The following SLC2A13 variants were observed in gnomAD, a reference collection of about 807,000 sequenced individuals.
SLC2A13 encodes the protein proton myo-inositol cotransporter.
Under a neutral mutation model 64.4 loss-of-function variants are expected in SLC2A13, and 32 were observed. That is an observed-to-expected ratio of 0.50 (90% CI 0.37 to 0.67). The LOEUF (loss-of-function observed/expected upper bound fraction) is 0.67. Among genes scored for constraint, SLC2A13 ranks in the 30% least tolerant of loss-of-function variants. SLC2A13 has a pLI of 0.00. For missense variants in SLC2A13, 743 were observed against 829.2 expected, an observed-to-expected ratio of 0.90 and a Z score of 1.28; for synonymous variants, 338 against 327.1, an observed-to-expected ratio of 1.03 and a Z score of -0.36.
intron 4 of SLC2A13, among the ~76,000 whole-genome samples, chr12:39,918,482 A>G (rs1158056578): frequency 6.6e-6 from 1 of 152,008 alleles, no homozygotes; most frequent in African/African-American, 2.4e-5. Context: ...AAAAGCATGA[A>G]AAGATCTGCT....
chr12:39,809,727 G>A (rs899881463), intron 7 of SLC2A13, among the ~76,000 whole-genome samples: 1 of 151,954 alleles, frequency 6.6e-6, no homozygotes, highest in East Asian at 1.9e-4. Context: ...TCATTGTTCA[G>A]TTCCCACCTA....
chr12:39,783,208 T>C (rs1215568552), intron 7 of SLC2A13, among the ~76,000 whole-genome samples: 1 of 152,230 alleles, frequency 6.6e-6, no homozygotes, highest in Non-Finnish European at 1.5e-5. Flanking sequence ...ACTCATCCTT[T>C]TTTATAGCTG....
intron 6 of SLC2A13, among the ~76,000 whole-genome samples, chr12:39,836,109 G>A (rs977070588): frequency 5.3e-5 from 8 of 152,102 alleles, no homozygotes; most frequent in African/African-American, 1.9e-4. Flanking sequence ...ATCACAGCCT[G>A]CAAAATTTCA....
At chr12:40,101,609 AT>A (rs1460445355) in intron 1 of SLC2A13, among the ~76,000 whole-genome samples, 2 of 152,200 alleles carry the variant, frequency 1.3e-5, no homozygotes, top group Non-Finnish European at 2.9e-5. Context: ...GTTAAATCTG[AT>A]TACATTATTT....
chr12:39,855,289 C>T (rs1038811022), intron 6 of SLC2A13, among the ~76,000 whole-genome samples: 8 of 152,088 alleles, frequency 5.3e-5, no homozygotes, highest in Admixed American at 3.9e-4. Flanking sequence ...TTTTATATAA[C>T]AAGTTTATTT....
intron 3 of SLC2A13, among the ~76,000 whole-genome samples, chr12:39,971,983 G>GAAAAAAAAAAA (rs1174701447): frequency 2.1e-5 from 2 of 95,804 alleles, no homozygotes; most frequent in African/African-American, 8.2e-5. Context: ...AGTGTCTCCA[G>GAAAAAAAAAAA]AAAAAAAAAA....
At chr12:39,891,206 C>G (rs1462909909) in intron 4 of SLC2A13, among the ~76,000 whole-genome samples, 1 of 150,274 alleles carries the variant, frequency 6.7e-6, no homozygotes, top group Non-Finnish European at 1.5e-5. Context: ...CCAGTCTCTC[C>G]ATCATTATTT....
At chr12:39,847,921 ACCTAAGATATTT>A (rs751601197) in intron 6 of SLC2A13, among the ~76,000 whole-genome samples, 7 of 152,146 alleles carry the variant, frequency 4.6e-5, no homozygotes, top group South Asian at 2.1e-4. Flanking sequence ...GTAAATAAAA[ACCTAAGATATTT>A]CCTACTTCTG....
rs569714361 is a variant in SLC2A13 at position 39,946,995 on chromosome 12, T to C, written c.1034+4262A>G. Among the ~76,000 whole-genome samples, 5 of 152,288 alleles carry C rather than the reference T, an allele frequency of 3.3e-5. No individual in the cohort carries two copies. The South Asian group carries it at 1.0e-3, about 32-fold the overall frequency. ...GGATCACTGTGGTGCCAGGCAGGAA[T>C]GGGCTGCTTGGGATCCAGCAAGCTC... On this transcript the variant is annotated intron_variant, in intron 4 of 9. Transcript: ENST00000280871.
intron 7 of SLC2A13, among the ~76,000 whole-genome samples, chr12:39,769,547 G>A (rs1940485084): frequency 6.8e-6 from 1 of 146,256 alleles, no homozygotes; most frequent in Admixed American, 6.8e-5. Context: ...ACATTGTAGG[G>A]TGTAGGCTTC....
At position 39,966,306 on chromosome 12, in the gene SLC2A13, G is replaced by A. The variant is rs73280621; in HGVS notation, c.926-14941C>T. On this transcript the variant is annotated intron_variant, in intron 3 of 9. Coordinates refer to ENST00000280871, the MANE Select transcript of SLC2A13 (RefSeq NM_052885.4). ...TTTACTTCCTGAATCCCCTTTTCTG[G>A]CCCTTCTCCACCCCGATTTTGATAA... 5.4e-3 allele frequency among the ~76,000 whole-genome samples: 827 copies of A among 151,856 alleles called. 9 individuals carry two copies. The highest frequency in any genetic ancestry group is 0.018 in the African/African-American group (759 of 41,412).
At chr12:39,831,024 A>G (rs1592181260) in intron 6 of SLC2A13, among the ~76,000 whole-genome samples, 1 of 152,302 alleles carries the variant, frequency 6.6e-6, no homozygotes, top group East Asian at 1.9e-4. Flanking sequence ...AGCCTACATC[A>G]TGCTTATAGA....
intron 1 of SLC2A13, among the ~76,000 whole-genome samples, chr12:40,103,098 T>C (rs1047367331): frequency 4.6e-5 from 7 of 152,192 alleles, no homozygotes; most frequent in African/African-American, 1.7e-4. Context: ...GGCTTCTCTA[T>C]TGAACCAACC....
At chr12:39,937,789 A>C (rs2136081173) in intron 4 of SLC2A13, among the ~76,000 whole-genome samples, 1 of 152,294 alleles carries the variant, frequency 6.6e-6, no homozygotes, top group Non-Finnish European at 1.5e-5. Flanking sequence ...CATTGGGCAT[A>C]TTTAGCTACA....
At chr12:39,953,879 AG>A (rs1306598433) in intron 3 of SLC2A13, among the ~76,000 whole-genome samples, 2 of 152,194 alleles carry the variant, frequency 1.3e-5, no homozygotes, top group Non-Finnish European at 2.9e-5. Flanking sequence ...CTCCAGCAGC[AG>A]GGATGAAAAA....
intron 3 of SLC2A13, among the ~76,000 whole-genome samples, chr12:39,978,133 C>T (rs1296507143): frequency 6.6e-6 from 1 of 152,100 alleles, no homozygotes; most frequent in Non-Finnish European, 1.5e-5. Context: ...GTGAATGAAA[C>T]GTTTTATGGC....
intron 3 of SLC2A13, among the ~76,000 whole-genome samples, chr12:39,992,812 T>C (rs1056207555): frequency 6.6e-6 from 1 of 152,150 alleles, no homozygotes; most frequent in Non-Finnish European, 1.5e-5. Flanking sequence ...CAAATTCATA[T>C]TGTAGCTTCT....
intron 4 of SLC2A13, among the ~76,000 whole-genome samples, chr12:39,888,485 A>T (rs1358311897): frequency 6.6e-6 from 1 of 152,230 alleles, no homozygotes; most frequent in Non-Finnish European, 1.5e-5. Context: ...TCGGCCTCCC[A>T]AAGTGTTGGG....
chr12:40,061,047 T>C (rs1438708791), intron 1 of SLC2A13, among the ~76,000 whole-genome samples: 5 of 152,104 alleles, frequency 3.3e-5, no homozygotes, highest in Non-Finnish European at 7.4e-5. Context: ...ATGTTAAATA[T>C]GTATGAGTAA....
Sources: gnomAD v4.1 joint callset for allele counts (sites outside exome capture counted in the v4.1 genomes callset) on GRCh38, gnomAD v4.1.1 for gene constraint, MANE v1.5 for transcripts, NCBI Gene and HGNC (gene_info 2026-07-23, HGNC 2026-07-21) for gene names.